Variants in HSD17B12 observed in about 807,000 individuals in gnomAD.
HSD17B12 encodes the protein very-long-chain 3-oxoacyl-CoA reductase.
Under a neutral mutation model 39.3 loss-of-function variants are expected in HSD17B12, and 32 were observed. The ratio of observed to expected loss-of-function variants is 0.81; its 90% confidence interval spans 0.61 to 1.09. The LOEUF is 1.09. Among genes scored for constraint, HSD17B12 ranks in the 50% least tolerant of loss-of-function variants. The probability of loss-of-function intolerance (pLI) is 0.00; values close to 1 mark genes in which losing one functional copy is unlikely to be tolerated. For missense variants in HSD17B12, 342 were observed against 382.9 expected (o/e 0.89, Z 0.89); for synonymous variants, 150 against 146.7 (o/e 1.02, Z -0.16).
At chr11:43,756,873 G>A (rs1464494773) in intron 3 of HSD17B12, among the ~76,000 whole-genome samples, 2 of 152,230 alleles carry the variant, frequency 1.3e-5, no homozygotes, top group Non-Finnish European at 2.9e-5. Context: ...TGGAGAAAGA[G>A]AGGATTCTGT....
At chr11:43,854,455 A>G (rs1167932875) in intron 9 of HSD17B12, 1 of 397,866 alleles carries the variant, frequency 2.5e-6, no homozygotes, top group East Asian at 4.2e-5. Context: ...TAAAGGTTCA[A>G]AAAGGTAGAT....
At chr11:43,607,489 A>T in the HSD17B12 span, among the ~76,000 whole-genome samples, 1 of 152,200 alleles carries the variant, frequency 6.6e-6, no homozygotes, top group African/African-American at 2.4e-5. Flanking sequence ...AATATTTTAA[A>T]TGTATGTTCT....
chr11:43,721,971 G>T lies in HSD17B12; in HGVS notation c.161-28940G>T, dbSNP rs1209570258. On this transcript the variant is annotated intron_variant, in intron 1 of 10. Transcript: ENST00000278353. ...GCAGTCATCTAGGGGAGGTATAAAT[G>T]ATGGGGCCTTGAACCAGGGCATGGT... 3.3e-5 allele frequency among the ~76,000 whole-genome samples: 5 copies of T among 152,324 alleles called. No individual in the cohort carries two copies. In the East Asian group the frequency reaches 7.7e-4, roughly 23 times the overall value.
the HSD17B12 span, among the ~76,000 whole-genome samples, chr11:43,664,184 A>C: frequency 6.6e-6 from 1 of 152,208 alleles, no homozygotes; most frequent in South Asian, 2.1e-4. Context: ...GGCAGAGGTT[A>C]CAGGCTAAGT....
chr11:43,780,369 T>C (rs1950753087), intron 3 of HSD17B12, among the ~76,000 whole-genome samples: 1 of 152,152 alleles, frequency 6.6e-6, no homozygotes, highest in Admixed American at 6.5e-5. Context: ...GGTTTCACCA[T>C]GTTGACCAGG....
At chr11:43,755,794 C>T (rs1449275078) in intron 3 of HSD17B12, among the ~76,000 whole-genome samples, 1 of 152,210 alleles carries the variant, frequency 6.6e-6, no homozygotes, top group Non-Finnish European at 1.5e-5. Context: ...CAGATAGCTT[C>T]ACTTCATCTT....
rs1436451860 is a variant in HSD17B12 at position 43,713,336 on chromosome 11, T to C, written c.160+32349T>C. Among the ~76,000 whole-genome samples, 8 of 140,336 alleles carry C rather than the reference T, an allele frequency of 5.7e-5. No individual in the cohort carries two copies. The East Asian group carries it at 1.8e-3, about 31-fold the overall frequency. The allele number at this position is 140,336 out of a possible 152,430, so 92.1% of individuals were successfully genotyped here. A position where few individuals can be genotyped will look rare whatever the true frequency, so the allele number is the denominator to read the frequency against. On this transcript the variant is annotated intron_variant, in intron 1 of 10. Coordinates refer to ENST00000278353, the MANE Select transcript of HSD17B12 (RefSeq NM_016142.3). ...ATGTTCCCCTTCCTGTGTCCAAGTG[T>C]TCTCATTGTTCAATTCCCACCTATG... is the stretch of plus-strand genomic sequence containing the variant.
the HSD17B12 span, among the ~76,000 whole-genome samples, chr11:43,609,515 G>A: frequency 5.3e-5 from 8 of 151,702 alleles, no homozygotes; most frequent in African/African-American, 9.7e-5. Context: ...ATAGATGTGC[G>A]CCACCATGCC....
the HSD17B12 span, among the ~76,000 whole-genome samples, chr11:43,618,998 C>T: frequency 6.6e-6 from 1 of 151,050 alleles, no homozygotes; most frequent in Non-Finnish European, 1.5e-5. Flanking sequence ...ACTCAGAAGG[C>T]ACATAAGGAG....
intron 1 of HSD17B12, among the ~76,000 whole-genome samples, chr11:43,683,861 G>C (rs926699981): frequency 6.6e-6 from 1 of 152,080 alleles, no homozygotes; most frequent in Non-Finnish European, 1.5e-5. Flanking sequence ...CTTCATGTGA[G>C]TATGTTTAAT....
At chr11:43,642,004 C>T in the HSD17B12 span, among the ~76,000 whole-genome samples, 2 of 151,692 alleles carry the variant, frequency 1.3e-5, no homozygotes, top group African/African-American at 2.4e-5. Flanking sequence ...AAATAGATTG[C>T]AATGTTTGTC....
At chr11:43,641,679 C>T in the HSD17B12 span, among the ~76,000 whole-genome samples, 3 of 151,918 alleles carry the variant, frequency 2.0e-5, no homozygotes, top group South Asian at 4.1e-4. Flanking sequence ...AATTGTGTTA[C>T]GTTGATAACA....
chr11:43,728,465 A>G (rs564901701), intron 1 of HSD17B12, among the ~76,000 whole-genome samples: 1 of 152,160 alleles, frequency 6.6e-6, no homozygotes, highest in Non-Finnish European at 1.5e-5. Flanking sequence ...AAATTAGAAA[A>G]TCCAGCTAAG....
chr11:43,629,001 A>G, the HSD17B12 span, among the ~76,000 whole-genome samples: 22 of 152,178 alleles, frequency 1.4e-4, no homozygotes, highest in Non-Finnish European at 2.8e-4. Flanking sequence ...ATTTCAACCA[A>G]TGTCTGGATC....
At chr11:43,734,297 G>A (rs553452011) in intron 1 of HSD17B12, 3 of 1,177,898 alleles carry the variant, frequency 2.5e-6, no homozygotes, top group African/African-American at 3.0e-5. Context: ...CACAGAAGCC[G>A]TGGAAGCCAA....
At chr11:43,609,308 C>T in the HSD17B12 span, among the ~76,000 whole-genome samples, 23 of 148,170 alleles carry the variant, frequency 1.6e-4, no homozygotes, top group Non-Finnish European at 2.7e-4. Context: ...TAATTTAGTA[C>T]ATATATTATA....
intron 1 of HSD17B12, chr11:43,724,217 C>CTGTGTGTG (rs1342165138): frequency 1.8e-5 from 2 of 112,492 alleles, no homozygotes; most frequent in African/African-American, 6.8e-5. Flanking sequence ...TATGTGTATG[C>CTGTGTGTG]TCTGTGTGTG....
the HSD17B12 span, among the ~76,000 whole-genome samples, chr11:43,617,237 C>T: frequency 1.3e-5 from 2 of 152,236 alleles, no homozygotes; most frequent in East Asian, 1.9e-4. Flanking sequence ...TTCAGTGCCT[C>T]GCTTCTTAGT....
chr11:43,675,506 G>A, the HSD17B12 span, among the ~76,000 whole-genome samples: 5 of 152,036 alleles, frequency 3.3e-5, no homozygotes, highest in Admixed American at 6.6e-5. Context: ...CCGTGTTGCC[G>A]GAGAGGTCAG....
Sources: allele counts gnomAD v4.1 joint callset (sites outside exome capture counted in the v4.1 genomes callset), GRCh38; gene constraint gnomAD v4.1.1; transcripts MANE v1.5; gene names NCBI Gene and HGNC (gene_info 2026-07-23, HGNC 2026-07-21).